CDH13: variants seen among roughly 807,000 people sequenced by gnomAD.
CDH13 encodes the protein cadherin-13.
CDH13 carries 24 observed loss-of-function variants against 63.8 expected under a neutral mutation model. The observed-to-expected ratio is 0.38, with a 90% confidence interval of 0.27 to 0.53. The LOEUF (loss-of-function observed/expected upper bound fraction) is 0.53. Ranked by LOEUF, CDH13 falls within the 20% of genes least tolerant of loss-of-function variation. The pLI is 0.85. For missense variants in CDH13, 1,049 were observed against 903.1 expected (o/e 1.16, Z -2.07); for synonymous variants, 503 against 355.3 (o/e 1.42, Z -4.67).
intron 11 of CDH13, among the ~76,000 whole-genome samples, chr16:83,752,145 A>G (rs1657548): frequency 0.29 from 44,076 of 152,188 alleles, 7,223 homozygotes; most frequent in Admixed American, 0.45. Context: ...ATGTAGAAGT[A>G]TCTGTATCTG....
At chr16:83,619,744 G>A (rs1044446351) in intron 8 of CDH13, among the ~76,000 whole-genome samples, 1 of 152,224 alleles carries the variant, frequency 6.6e-6, no homozygotes, top group Non-Finnish European at 1.5e-5. Context: ...GCCTACCATA[G>A]TAGCCTCGCT....
At chr16:82,667,189 A>G (rs771667450) in intron 1 of CDH13, among the ~76,000 whole-genome samples, 2 of 152,192 alleles carry the variant, frequency 1.3e-5, no homozygotes, top group Non-Finnish European at 2.9e-5. Flanking sequence ...ATTGAAATTT[A>G]AGAGGTTGGC....
chr16:82,678,172 T>A (rs771342306), intron 1 of CDH13, among the ~76,000 whole-genome samples: 1 of 152,126 alleles, frequency 6.6e-6, no homozygotes, highest in Admixed American at 6.5e-5. Context: ...AAACATGCTG[T>A]GTATTGGATG....
intron 5 of CDH13, among the ~76,000 whole-genome samples, chr16:83,308,449 C>T (rs1350296974): frequency 2.0e-5 from 3 of 152,162 alleles, no homozygotes; most frequent in Non-Finnish European, 4.4e-5. Flanking sequence ...AGAAGATCTC[C>T]TACATGAATT....
At chr16:83,014,885 T>C (rs1030290076) in intron 2 of CDH13, among the ~76,000 whole-genome samples, 1 of 143,048 alleles carries the variant, frequency 7.0e-6, no homozygotes, top group African/African-American at 2.6e-5. Flanking sequence ...TATATGTTTG[T>C]GTATATATAT....
intron 6 of CDH13, among the ~76,000 whole-genome samples, chr16:83,425,788 CT>C (rs2071875917): frequency 6.6e-6 from 1 of 151,980 alleles, no homozygotes; most frequent in Admixed American, 6.6e-5. Flanking sequence ...TCTCTTTCTT[CT>C]TCCTCCTTTA....
At chr16:83,592,675 C>T (rs199886403) in intron 7 of CDH13, among the ~76,000 whole-genome samples, 2 of 152,188 alleles carry the variant, frequency 1.3e-5, no homozygotes, top group African/African-American at 2.4e-5. Context: ...TTTATTTCCC[C>T]TGCTGCTTCT....
chr16:83,341,716 A>T (rs886796473), intron 5 of CDH13, among the ~76,000 whole-genome samples: 8 of 152,128 alleles, frequency 5.3e-5, no homozygotes, highest in African/African-American at 1.9e-4. Context: ...TCTTGTATGG[A>T]CATAAGCCTT....
chr16:83,423,225 C>A (rs1285373214), intron 6 of CDH13, among the ~76,000 whole-genome samples: 3 of 152,188 alleles, frequency 2.0e-5, no homozygotes, highest in Non-Finnish European at 4.4e-5. Flanking sequence ...TCCTCAGTAG[C>A]CTCTAAAGTA....
intron 1 of CDH13, among the ~76,000 whole-genome samples, chr16:82,692,482 A>G (rs1454018781): frequency 1.3e-5 from 2 of 151,762 alleles, no homozygotes; most frequent in Non-Finnish European, 2.9e-5. Context: ...TTATAAAACC[A>G]TCAGATCTCA....
intron 7 of CDH13, among the ~76,000 whole-genome samples, chr16:83,566,896 A>G (rs1431206679): frequency 6.6e-6 from 1 of 152,190 alleles, no homozygotes; most frequent in Non-Finnish European, 1.5e-5. Flanking sequence ...AAAAGAAGAA[A>G]CACAGTGAAA....
intron 2 of CDH13, among the ~76,000 whole-genome samples, chr16:82,970,101 C>T (rs909762644): frequency 2.6e-5 from 4 of 152,068 alleles, no homozygotes; most frequent in East Asian, 1.9e-4. Context: ...CCCTACCCAT[C>T]GACAGTGTGG....
chr16:83,661,110 A>G (rs1260393000), intron 8 of CDH13, among the ~76,000 whole-genome samples: 1 of 152,046 alleles, frequency 6.6e-6, no homozygotes, highest in African/African-American at 2.4e-5. Context: ...CAGATAAAAT[A>G]TAATTAACAG....
chr16:83,033,852 C>T (rs776255763), intron 3 of CDH13, among the ~76,000 whole-genome samples: 4 of 152,164 alleles, frequency 2.6e-5, no homozygotes, highest in Non-Finnish European at 4.4e-5. Context: ...CATGCCCCTG[C>T]TTGGCATGCC....
chr16:82,731,134 A>T (rs1436736029), intron 1 of CDH13, among the ~76,000 whole-genome samples: 1 of 152,188 alleles, frequency 6.6e-6, no homozygotes, highest in Non-Finnish European at 1.5e-5. Flanking sequence ...GGAACTGGCA[A>T]ACACCTCAGG....
chr16:82,867,015 T>A (rs2040174086), intron 2 of CDH13, among the ~76,000 whole-genome samples: 2 of 152,188 alleles, frequency 1.3e-5, no homozygotes, highest in Admixed American at 1.3e-4. Flanking sequence ...CTTCTGTGAG[T>A]GTGGACAAGT....
At chr16:83,772,398 T>A (rs577359842) in intron 11 of CDH13, among the ~76,000 whole-genome samples, 4 of 152,254 alleles carry the variant, frequency 2.6e-5, no homozygotes, top group Admixed American at 2.0e-4. Flanking sequence ...AAAATAAGAA[T>A]TCTTAGAACA....
chr16:82,873,024 A>G (rs1474843803), intron 2 of CDH13, among the ~76,000 whole-genome samples: 1 of 152,204 alleles, frequency 6.6e-6, no homozygotes, highest in Non-Finnish European at 1.5e-5. Flanking sequence ...AGTATCATGA[A>G]GGAAATAAGG....
At position 82,660,791 on chromosome 16, in the gene CDH13, T is replaced by C. The variant is rs542318187; in HGVS notation, c.45+33654T>C. On this transcript the variant is annotated intron_variant, in intron 1 of 13. Transcript: ENST00000567109. ...ATGGCGGGTGGTTTTCTTTCCCCCCTCGTTTTATTTAGACGTCTGCTGCTG... is the reference window on the plus strand; with the variant it reads ...ATGGCGGGTGGTTTTCTTTCCCCCCCCGTTTTATTTAGACGTCTGCTGCTG... Among the ~76,000 whole-genome samples the C allele has an allele frequency of 2.6e-5, 4 of 152,214 alleles. No individual in the cohort carries two copies. In the East Asian group the frequency reaches 7.7e-4, roughly 29 times the overall value.
Sources: gnomAD v4.1 joint callset for allele counts (sites outside exome capture counted in the v4.1 genomes callset) on GRCh38, gnomAD v4.1.1 for gene constraint, MANE v1.5 for transcripts, NCBI Gene and HGNC (gene_info 2026-07-23, HGNC 2026-07-21) for gene names.